The following LGR4 variants were observed in gnomAD, a reference collection of about 807,000 sequenced individuals.
The protein encoded by LGR4 is leucine-rich repeat-containing G protein-coupled receptor 4.
In LGR4, 44 loss-of-function variants were observed where a neutral mutation model predicts 84.8. The ratio of observed to expected loss-of-function variants is 0.52; its 90% confidence interval spans 0.41 to 0.67. The LOEUF (loss-of-function observed/expected upper bound fraction) is 0.67. Among genes scored for constraint, LGR4 ranks in the 30% least tolerant of loss-of-function variants. LGR4 has a pLI of 0.00. For missense variants in LGR4, 1,032 were observed against 1,131.4 expected (o/e 0.91, Z 1.26); for synonymous variants, 429 against 434.3 (o/e 0.99, Z 0.15).
intron 5 of LGR4, among the ~76,000 whole-genome samples, 186 bp from the exon 6 acceptor site, chr11:27,384,593 T>C (rs912055176): frequency 2.0e-5 from 3 of 152,178 alleles, no homozygotes; most frequent in African/African-American, 7.2e-5. Flanking sequence ...TCTTGCTATG[T>C]ACACTGCACA....
At chr11:27,375,371 C>T (rs924752327) in intron 13 of LGR4, among the ~76,000 whole-genome samples, 1 of 151,528 alleles carries the variant, frequency 6.6e-6, no homozygotes, top group Non-Finnish European at 1.5e-5. Context: ...TGCTAAAGTT[C>T]TAGGAAGATA....
At chr11:27,441,539 C>T (rs1244638233) in intron 1 of LGR4, among the ~76,000 whole-genome samples, 1 of 152,118 alleles carries the variant, frequency 6.6e-6, no homozygotes, top group Non-Finnish European at 1.5e-5. Context: ...AGATCTTAAT[C>T]TAACCAGAGA....
chr11:27,387,891 C>T (rs1406771614), intron 4 of LGR4, among the ~76,000 whole-genome samples: 1 of 152,054 alleles, frequency 6.6e-6, no homozygotes, highest in East Asian at 1.9e-4. Flanking sequence ...GTGGTCAGTG[C>T]CTTTTTAATA....
At chr11:27,392,689 C>T (rs1863308492) in intron 2 of LGR4, among the ~76,000 whole-genome samples, 171 bp from the exon 3 acceptor site, 1 of 152,080 alleles carries the variant, frequency 6.6e-6, no homozygotes, top group South Asian at 2.1e-4. Context: ...GTGAATCTTC[C>T]AATGAGATAA....
chr11:27,445,505 G>A (rs1864374978), intron 1 of LGR4, among the ~76,000 whole-genome samples: 2 of 152,124 alleles, frequency 1.3e-5, no homozygotes, highest in Admixed American at 1.3e-4. Context: ...TGGTACACAT[G>A]AAGGGCTTCA....
Position 27,472,482 on chromosome 11 carries a change from T to C in LGR4, c.-180A>G, listed in dbSNP as rs1385217786. 4.9e-6 allele frequency: 2 copies of C among 407,662 alleles called. No homozygotes were observed. Among genetic ancestry groups the C allele is most frequent in the Non-Finnish European group, 8.4e-6 (2 of 238,300 alleles). The allele number at this position is 407,662 out of a possible 1,614,324, so 25.3% of individuals were successfully genotyped here. ...CCGCAGCGGCGCAGGGACGCGGCGCTCCGGAGTTTCGCCCTTCCCGCTGCT... is the reference window on the plus strand; with the variant it reads ...CCGCAGCGGCGCAGGGACGCGGCGCCCCGGAGTTTCGCCCTTCCCGCTGCT... On this transcript the variant is annotated 5_prime_UTR_variant, in exon 1 of 18. Coordinates refer to ENST00000379214, the MANE Select transcript of LGR4 (RefSeq NM_018490.5).
At chr11:27,407,474 A>C (rs1360982891) in intron 2 of LGR4, among the ~76,000 whole-genome samples, 1 of 152,154 alleles carries the variant, frequency 6.6e-6, no homozygotes, top group Non-Finnish European at 1.5e-5. Context: ...ATCACCTGTA[A>C]ATAAGTAATA....
intron 1 of LGR4, among the ~76,000 whole-genome samples, chr11:27,428,385 T>C (rs777819920): frequency 1.3e-5 from 2 of 152,158 alleles, no homozygotes; most frequent in Non-Finnish European, 2.9e-5. Context: ...GTGATCTGCC[T>C]GCCTCGGCCT....
chr11:27,462,462 C>A (rs1340969502), intron 1 of LGR4, among the ~76,000 whole-genome samples: 1 of 152,188 alleles, frequency 6.6e-6, no homozygotes. Flanking sequence ...TTTATAAAAT[C>A]AGATGTACTA....
chr11:27,416,281 T>C (rs192156655), intron 1 of LGR4, among the ~76,000 whole-genome samples: 159 of 152,250 alleles, frequency 1.0e-3, no homozygotes, highest in African/African-American at 3.6e-3. Context: ...AGACCAAGGT[T>C]TACATATGGA....
At chr11:27,391,749 T>C (rs1863290499) in intron 3 of LGR4, among the ~76,000 whole-genome samples, 2 of 152,152 alleles carry the variant, frequency 1.3e-5, no homozygotes, top group Non-Finnish European at 2.9e-5. Context: ...AGATCCATAC[T>C]GAAAATGAAA....
chr11:27,468,294 T>C (rs1042549197), intron 1 of LGR4, among the ~76,000 whole-genome samples: 6 of 152,228 alleles, frequency 3.9e-5, no homozygotes, highest in South Asian at 4.1e-4. Flanking sequence ...GAAGTGAGGA[T>C]GTTGAGTAAC....
intron 6 of LGR4, 124 bp from the exon 7 acceptor site, chr11:27,382,380 C>A (rs748443425): frequency 4.8e-6 from 3 of 627,838 alleles, no homozygotes; most frequent in Non-Finnish European, 8.4e-6. Flanking sequence ...TCTTTATCAA[C>A]CATATCGTCA....
intron 13 of LGR4, among the ~76,000 whole-genome samples, 162 bp from the exon 14 acceptor site, chr11:27,374,208 G>A (rs1287762708): frequency 2.0e-5 from 3 of 152,150 alleles, no homozygotes; most frequent in Non-Finnish European, 4.4e-5. Flanking sequence ...TATGTTGAAT[G>A]CCTCTCCTTC....
Position 27,368,395 on chromosome 11 carries a change from A to G in LGR4, c.2328T>C (p.Ser776=), listed in dbSNP as rs1416024496. The change falls in exon 18 of 18, where the codon TCT becomes TCC. Residue 776 remains serine (S), a synonymous_variant. Coordinates refer to ENST00000379214, the MANE Select transcript of LGR4 (RefSeq NM_018490.5). Reference sequence around the variant, plus strand: ...CAGACTTCATTATTTCGGGGCTGATAGAGATTGCAGTGATCAATGGTGCAA... The same window carrying G: ...CAGACTTCATTATTTCGGGGCTGATGGAGATTGCAGTGATCAATGGTGCAA... ...FSFAPLITAI[S]ISPEIMKSVT... 3 of 1,614,136 alleles carry G rather than the reference A, an allele frequency of 1.9e-6. No individual in the cohort carries two copies. The highest frequency in any genetic ancestry group is 2.5e-6 in the Non-Finnish European group (3 of 1,180,016).
intron 1 of LGR4, among the ~76,000 whole-genome samples, chr11:27,416,325 T>C (rs1863817641): frequency 6.6e-6 from 1 of 152,186 alleles, no homozygotes; most frequent in Admixed American, 6.5e-5. Context: ...CTTTGGCAAA[T>C]TGATATTTTC....
At chr11:27,377,091 A>C in intron 12 of LGR4, 67 bp downstream of exon 12, 1 of 902,444 alleles carries the variant, frequency 1.1e-6, no homozygotes, top group South Asian at 1.6e-5. Context: ...CATCTATTAA[A>C]AATACGAAAT....
chr11:27,420,391 C>G (rs925814702), intron 1 of LGR4, among the ~76,000 whole-genome samples: 1 of 152,050 alleles, frequency 6.6e-6, no homozygotes, highest in African/African-American at 2.4e-5. Flanking sequence ...ACAGTCTCTA[C>G]CCTCAAGAGC....
Position 27,378,951 on chromosome 11 carries a change from T to G in LGR4, c.972-183A>C, listed in dbSNP as rs1359910194. 3 of 574,750 alleles carry G rather than the reference T, an allele frequency of 5.2e-6. No individual in the cohort carries two copies. In the Admixed American group the frequency reaches 1.0e-4, roughly 20 times the overall value. 35.6% of individuals were successfully genotyped at this position (574,750 alleles called of 1,614,324 possible). ...GAACTGAACCCCAATTCTGATATCATCTTCACAGTAACTCAAAAACACTTG... is the reference window on the plus strand; with the variant it reads ...GAACTGAACCCCAATTCTGATATCAGCTTCACAGTAACTCAAAAACACTTG... On this transcript the variant is annotated intron_variant, in intron 10 of 17. Transcript: ENST00000379214.
Sources: allele counts gnomAD v4.1 joint callset (sites outside exome capture counted in the v4.1 genomes callset), GRCh38; gene constraint gnomAD v4.1.1; transcripts MANE v1.5; gene names NCBI Gene and HGNC (gene_info 2026-07-23, HGNC 2026-07-21).